Variants in KLF12 observed in about 807,000 individuals in gnomAD.
The protein encoded by KLF12 is Krueppel-like factor 12.
In KLF12, 9 loss-of-function variants were observed where a neutral mutation model predicts 37.8. The observed-to-expected ratio is 0.24, with a 90% CI of 0.14 to 0.42. KLF12 has a LOEUF of 0.42. Among genes scored for constraint, KLF12 ranks in the 10% least tolerant of loss-of-function variants. The pLI is 1.00. For missense variants in KLF12, 411 were observed against 516.0 expected (o/e 0.80, Z 1.97); for synonymous variants, 208 against 202.1 (o/e 1.03, Z -0.25).
intron 2 of KLF12, among the ~76,000 whole-genome samples, chr13:73,969,668 A>G (rs935575435): frequency 6.6e-6 from 1 of 152,184 alleles, no homozygotes; most frequent in Non-Finnish European, 1.5e-5. Flanking sequence ...TGAGCCCTAT[A>G]TAACACTTAC....
intron 3 of KLF12, among the ~76,000 whole-genome samples, chr13:73,868,716 A>G (rs574559214): frequency 1.6e-4 from 25 of 152,298 alleles, no homozygotes; most frequent in East Asian, 1.4e-3. Context: ...TGTTATAAAA[A>G]GGTTTATTCC....
rs1888594381 is a variant in KLF12, at chr13:73,912,042, C to T, written c.123+31939G>A. Among the ~76,000 whole-genome samples, 4 of 152,172 alleles carry T rather than the reference C, an allele frequency of 2.6e-5. 1 individual carries two copies. The highest frequency in any genetic ancestry group is 5.9e-5 in the Non-Finnish European group (4 of 68,040). ...TACTGACTTCTCCTTCACAATAACT[C>T]CCAAAAGGTAGTTTCTAAAATAGTT... On this transcript the variant is annotated intron_variant, in intron 3 of 7. Coordinates refer to ENST00000377669, the MANE Select transcript of KLF12 (RefSeq NM_007249.5).
intron 2 of KLF12, among the ~76,000 whole-genome samples, chr13:73,979,265 C>T (rs554362131): frequency 2.0e-5 from 3 of 151,850 alleles, no homozygotes; most frequent in South Asian, 2.1e-4. Context: ...ACATGTGTGT[C>T]GGAGCAGAGG....
At chr13:74,195,916 C>T in the KLF12 span, among the ~76,000 whole-genome samples, 1,701 of 152,044 alleles carry the variant, frequency 0.011, 37 homozygotes, top group African/African-American at 0.039. Flanking sequence ...TGGCCACACA[C>T]GTGACATTCA....
the KLF12 span, among the ~76,000 whole-genome samples, chr13:74,278,855 A>C: frequency 6.6e-6 from 1 of 152,336 alleles, no homozygotes; most frequent in Non-Finnish European, 1.5e-5. Context: ...ATCCAGTTAT[A>C]GTGTCACTGT....
At chr13:74,009,187 C>G (rs912707251) in intron 1 of KLF12, among the ~76,000 whole-genome samples, 2 of 152,220 alleles carry the variant, frequency 1.3e-5, no homozygotes, top group Admixed American at 1.3e-4. Flanking sequence ...TGTTTCCCTA[C>G]TGTTTTATCA....
At chr13:74,178,682 G>A in the KLF12 span, among the ~76,000 whole-genome samples, 1 of 152,224 alleles carries the variant, frequency 6.6e-6, no homozygotes, top group African/African-American at 2.4e-5. Context: ...TTATGAATAG[G>A]GACTAGTTCA....
chr13:73,738,124 T>TATATATAC (rs1305200790), intron 6 of KLF12, among the ~76,000 whole-genome samples: 13 of 81,902 alleles, frequency 1.6e-4, no homozygotes, highest in East Asian at 1.1e-3. Flanking sequence ...TATATATATA[T>TATATATAC]ACACACACAC....
chr13:74,141,772 TGGAAATG>T, the KLF12 span, among the ~76,000 whole-genome samples: 2 of 152,310 alleles, frequency 1.3e-5, no homozygotes, highest in East Asian at 3.9e-4. Context: ...TTTCAATGGC[TGGAAATG>T]GGTCACATGA....
At chr13:74,263,991 A>G in the KLF12 span, among the ~76,000 whole-genome samples, 2 of 152,194 alleles carry the variant, frequency 1.3e-5, no homozygotes, top group African/African-American at 4.8e-5. Flanking sequence ...AGCAGATTAT[A>G]TACCAGATCT....
chr13:74,228,256 T>C, the KLF12 span, among the ~76,000 whole-genome samples: 3 of 152,056 alleles, frequency 2.0e-5, no homozygotes, highest in Non-Finnish European at 4.4e-5. Context: ...TCTGAAACTA[T>C]ATTATATAGT....
At chr13:73,831,202 A>C (rs1026026178) in intron 4 of KLF12, among the ~76,000 whole-genome samples, 2 of 152,180 alleles carry the variant, frequency 1.3e-5, no homozygotes, top group Admixed American at 1.3e-4. Flanking sequence ...ATCAAGCCTA[A>C]GTACAGCAAA....
At chr13:73,873,330 A>T (rs1176940653) in intron 3 of KLF12, among the ~76,000 whole-genome samples, 6 of 152,202 alleles carry the variant, frequency 3.9e-5, no homozygotes, top group African/African-American at 1.4e-4. Flanking sequence ...CAGACAACTG[A>T]AAAGAGACAA....
intron 1 of KLF12, among the ~76,000 whole-genome samples, chr13:74,126,747 A>C (rs1877964191): frequency 6.6e-6 from 1 of 152,202 alleles, no homozygotes; most frequent in South Asian, 2.1e-4. Flanking sequence ...AACAGCCCAA[A>C]AAAGGCATTC....
intron 1 of KLF12, among the ~76,000 whole-genome samples, chr13:74,109,186 A>C (rs1000926992): frequency 2.0e-5 from 3 of 152,186 alleles, no homozygotes; most frequent in Non-Finnish European, 4.4e-5. Flanking sequence ...AAAAATACAA[A>C]TATGAAATTA....
At chr13:74,281,957 A>G in the KLF12 span, among the ~76,000 whole-genome samples, 1 of 152,170 alleles carries the variant, frequency 6.6e-6, no homozygotes, top group Non-Finnish European at 1.5e-5. Context: ...CACAAATAAT[A>G]TCCTCTTCCT....
rs148786818 is a variant in KLF12, at chr13:73,831,630, C to T, written c.670+14197G>A. Among the ~76,000 whole-genome samples, 29 of 152,268 alleles carry T rather than the reference C, an allele frequency of 1.9e-4. No homozygotes were observed. The East Asian group carries it at 5.2e-3, about 27-fold the overall frequency. ...TTTGCTCCCATCCAGAAAGACCTTG[C>T]TGCAATTATTCAAGTTCTTGTTTTA... On this transcript the variant is annotated intron_variant, in intron 4 of 7. Coordinates refer to ENST00000377669, the MANE Select transcript of KLF12 (RefSeq NM_007249.5).
chr13:73,974,909 C>T (rs910862684), intron 2 of KLF12, among the ~76,000 whole-genome samples: 1 of 152,134 alleles, frequency 6.6e-6, no homozygotes, highest in Non-Finnish European at 1.5e-5. Flanking sequence ...TTTAAGAGCA[C>T]AGTACAGGTT....
chr13:74,229,089 A>T, the KLF12 span, among the ~76,000 whole-genome samples: 23 of 152,322 alleles, frequency 1.5e-4, no homozygotes, highest in African/African-American at 5.5e-4. Flanking sequence ...AGTAAGACAA[A>T]CAAGGAAACA....
Sources: gnomAD v4.1 joint callset for allele counts (sites outside exome capture counted in the v4.1 genomes callset) on GRCh38, gnomAD v4.1.1 for gene constraint, MANE v1.5 for transcripts, NCBI Gene and HGNC (gene_info 2026-07-23, HGNC 2026-07-21) for gene names.